The following COL23A1 variants were observed in gnomAD, a reference collection of about 807,000 sequenced individuals.
The protein encoded by COL23A1 is collagen alpha-1(XXIII) chain.
A neutral mutation model predicts 99.3 loss-of-function variants in COL23A1; 97 were observed. The ratio of observed to expected loss-of-function variants is 0.98; its 90% CI spans 0.83 to 1.16. The LOEUF (loss-of-function observed/expected upper bound fraction) is 1.16, where lower values mean the gene tolerates loss of function less well. Ranked by LOEUF, COL23A1 falls within the 50% of genes most tolerant of loss-of-function variation. COL23A1 has a pLI of 0.00. For missense variants in COL23A1, 762 were observed against 757.4 expected, an observed-to-expected ratio of 1.01 and a Z score of -0.07; for synonymous variants, 320 against 308.2, an observed-to-expected ratio of 1.04 and a Z score of -0.40.
At chr5:178,253,051 T>C (rs1765116863) in intron 16 of COL23A1, among the ~76,000 whole-genome samples, 1 of 152,158 alleles carries the variant, frequency 6.6e-6, no homozygotes, top group Admixed American at 6.5e-5. Flanking sequence ...CTGCCTGCCA[T>C]CTGCTGGGCC....
chr5:178,386,971 G>C (rs947068420), intron 2 of COL23A1, among the ~76,000 whole-genome samples: 6 of 151,984 alleles, frequency 3.9e-5, no homozygotes, highest in African/African-American at 1.5e-4. Context: ...TATTAGGATG[G>C]GTGCAATAAA....
chr5:178,387,781 C>T lies in COL23A1; in HGVS notation c.362-80862G>A, dbSNP rs7715623. Among the ~76,000 whole-genome samples the T allele has an allele frequency of 0.43, 64,753 of 152,032 alleles. 14,182 individuals carry two copies. The highest frequency in any genetic ancestry group is 0.54 in the South Asian group (2,582 of 4,818). ...ACAGACAGTGTGGGCCATTTTCCCC[C>T]GCGCTGTGCTTGCGGAGTTTCCCAC... On this transcript the variant is annotated intron_variant, in intron 2 of 28. Transcript: ENST00000390654. The surrounding 1 kb of genome is among the most constrained non-coding windows in gnomAD (Gnocchi z 4.7).
chr5:178,317,570 A>C (rs187654255), intron 2 of COL23A1, among the ~76,000 whole-genome samples: 127 of 152,338 alleles, frequency 8.3e-4, no homozygotes, highest in Middle Eastern at 3.4e-3. Context: ...TTTCTTTATC[A>C]ACACAATCAT....
intron 2 of COL23A1, among the ~76,000 whole-genome samples, chr5:178,490,228 AAAAAAACAAAAAAC>A (rs776252605): frequency 6.6e-6 from 1 of 152,106 alleles, no homozygotes; most frequent in Non-Finnish European, 1.5e-5. Context: ...TTCCATCTCA[AAAAAAACAAAAAAC>A]AAAAAACAAA....
At chr5:178,338,516 G>GT (rs1426757037) in intron 2 of COL23A1, among the ~76,000 whole-genome samples, 1 of 135,980 alleles carries the variant, frequency 7.4e-6, no homozygotes, top group African/African-American at 2.8e-5. Context: ...AGCGCAGCAG[G>GT]TTGCTCCCCC....
intron 2 of COL23A1, among the ~76,000 whole-genome samples, chr5:178,477,491 C>T (rs1757094549): frequency 6.6e-6 from 1 of 152,234 alleles, no homozygotes; most frequent in Non-Finnish European, 1.5e-5. Flanking sequence ...GAAAAGCAGA[C>T]AGCAGAAGCA....
At chr5:178,262,185 GCCCA>G in intron 10 of COL23A1, 28 bp downstream of exon 10, 1 of 1,568,518 alleles carries the variant, frequency 6.4e-7, no homozygotes, top group South Asian at 1.2e-5. Context: ...GATCCTAGCA[GCCCA>G]GGCCTCTGGA....
intron 23 of COL23A1, 31 bp downstream of exon 23, chr5:178,246,360 C>T (rs912716938): frequency 2.6e-6 from 4 of 1,567,542 alleles, no homozygotes; most frequent in Non-Finnish European, 3.5e-6. Context: ...GAATTAACAC[C>T]TTTGGGACAA....
intron 2 of COL23A1, chr5:178,438,917 CT>C (rs887739310): frequency 5.9e-5 from 9 of 152,288 alleles, no homozygotes; most frequent in African/African-American, 2.2e-4. Flanking sequence ...AGGCTTCCCC[CT>C]GTCCCAACTG....
rs1050407399 is a variant in COL23A1, at chr5:178,323,342, T to A, written c.362-16423A>T. Among the ~76,000 whole-genome samples the A allele has an allele frequency of 2.6e-5, 4 of 152,114 alleles. 1 individual carries two copies. Among genetic ancestry groups the A allele is most frequent in the Non-Finnish European group, 1.5e-5 (1 of 68,012 alleles). On this transcript the variant is annotated intron_variant, in intron 2 of 28. Transcript: ENST00000390654. The stretch of plus-strand genomic sequence containing the variant: ...ACAAAGGGCCCTGTGGTAACTGATC[T>A]CCCTGCTCTGATCCCCAGTCCCCAA...
intron 1 of COL23A1, among the ~76,000 whole-genome samples, chr5:178,578,118 C>A (rs1763481650): frequency 7.0e-6 from 1 of 142,212 alleles, no homozygotes; most frequent in Non-Finnish European, 1.5e-5. Flanking sequence ...TGCACACATT[C>A]ATGCACACAC....
chr5:178,463,535 C>T (rs567040439), intron 2 of COL23A1, among the ~76,000 whole-genome samples: 6 of 152,272 alleles, frequency 3.9e-5, no homozygotes, highest in African/African-American at 7.2e-5. Flanking sequence ...CCTTGTCCCC[C>T]GCACTTTGGA....
intron 2 of COL23A1, among the ~76,000 whole-genome samples, chr5:178,506,519 A>C (rs1290458027): frequency 1.3e-5 from 2 of 152,202 alleles, no homozygotes; most frequent in Non-Finnish European, 1.5e-5. Flanking sequence ...TGGGCCAACA[A>C]GGAACTCCGT....
At chr5:178,332,034 CT>C (rs751361705) in intron 2 of COL23A1, among the ~76,000 whole-genome samples, 6 of 152,312 alleles carry the variant, frequency 3.9e-5, no homozygotes, top group East Asian at 1.9e-4. Context: ...TCTCTCTGAG[CT>C]GGGCCTGGCA....
rs1206297099 is a variant in COL23A1 at position 178,384,127 on chromosome 5, G to A, written c.362-77208C>T. 6.6e-6 allele frequency among the ~76,000 whole-genome samples: 1 copy of A among 152,166 alleles called. No homozygotes were observed. The highest frequency in any genetic ancestry group is 1.5e-5 in the Non-Finnish European group (1 of 68,028). On this transcript the variant is annotated intron_variant, in intron 2 of 28. Coordinates refer to ENST00000390654, the MANE Select transcript of COL23A1 (RefSeq NM_173465.4). This position sits in a 1 kb window ranked among gnomAD's most constrained non-coding sequence, Gnocchi z 5.5. ...CCCTCTTCTCTAGAAAGGGGTGATG[G>A]TAAAATAAGGCTGGCCATCGAGAAG... is the stretch of plus-strand genomic sequence containing the variant.
At chr5:178,275,846 G>T (rs1293829442) in intron 5 of COL23A1, among the ~76,000 whole-genome samples, 1 of 152,064 alleles carries the variant, frequency 6.6e-6, no homozygotes, top group Non-Finnish European at 1.5e-5. Flanking sequence ...ACCGATCAAT[G>T]ACCCCAATTT....
At chr5:178,348,417 C>T (rs560103129) in intron 2 of COL23A1, among the ~76,000 whole-genome samples, 29 of 152,354 alleles carry the variant, frequency 1.9e-4, no homozygotes, top group Admixed American at 4.6e-4. Context: ...GTCAAGGCCC[C>T]ATCCTGTCTC....
chr5:178,506,821 G>A (rs1381510078), intron 2 of COL23A1, among the ~76,000 whole-genome samples: 1 of 152,176 alleles, frequency 6.6e-6, no homozygotes, highest in Non-Finnish European at 1.5e-5. Context: ...ACTGAACACA[G>A]TTTAGGTTTT....
intron 3 of COL23A1, among the ~76,000 whole-genome samples, chr5:178,305,785 G>A (rs1482360020): frequency 1.3e-5 from 2 of 152,132 alleles, no homozygotes; most frequent in African/African-American, 2.4e-5. Flanking sequence ...AGGAGGTCAC[G>A]GCAGTGAGAA....
Sources: allele counts gnomAD v4.1 joint callset (sites outside exome capture counted in the v4.1 genomes callset), GRCh38; gene constraint gnomAD v4.1.1; non-coding constraint Gnocchi (gnomAD v3.1); transcripts MANE v1.5; gene names NCBI Gene and HGNC (gene_info 2026-07-23, HGNC 2026-07-21).